The following GADL1 variants were observed in gnomAD, a reference collection of about 807,000 sequenced individuals.
The protein encoded by GADL1 is acidic amino acid decarboxylase GADL1.
GADL1 carries 71 observed loss-of-function variants against 69.5 expected under a neutral mutation model. The observed-to-expected ratio is 1.02, with a 90% CI of 0.84 to 1.25. The LOEUF (loss-of-function observed/expected upper bound fraction) is 1.25, where lower values mean the gene tolerates loss of function less well. Among genes scored for constraint, GADL1 ranks in the 50% most tolerant of loss-of-function variants. The probability of loss-of-function intolerance (pLI) is 0.00; values close to 1 mark genes in which losing one functional copy is unlikely to be tolerated. For missense variants in GADL1, 737 were observed against 631.8 expected, an observed-to-expected ratio of 1.17 and a Z score of -1.79; for synonymous variants, 254 against 214.4, an observed-to-expected ratio of 1.18 and a Z score of -1.62.
At position 30,751,334 on chromosome 3, in the gene GADL1, C is replaced by T. The variant is rs550143463; in HGVS notation, c.1393-22919G>A. 4.1e-4 allele frequency among the ~76,000 whole-genome samples: 63 copies of T among 152,114 alleles called. 2 individuals are homozygous for T. Among genetic ancestry groups the T allele is most frequent in the Admixed American group, 2.9e-3 (44 of 15,262 alleles). On this transcript the variant is annotated intron_variant, in intron 14 of 14. Coordinates refer to ENST00000282538, the MANE Select transcript of GADL1 (RefSeq NM_207359.3). Reference sequence around the variant, plus strand: ...CTGGGACCATTGTGGTAAGGAGACTCTTGAGCCGCTTGCTGGTGTTTGTTT... The same window carrying T: ...CTGGGACCATTGTGGTAAGGAGACTTTTGAGCCGCTTGCTGGTGTTTGTTT...
At chr3:30,785,293 T>A (rs548277608) in intron 13 of GADL1, among the ~76,000 whole-genome samples, 3 of 152,256 alleles carry the variant, frequency 2.0e-5, no homozygotes, top group African/African-American at 7.2e-5. Flanking sequence ...TTTTCTGTTT[T>A]CTATCTCCTG....
chr3:30,781,304 A>C (rs1186643024), intron 13 of GADL1, among the ~76,000 whole-genome samples: 1 of 152,244 alleles, frequency 6.6e-6, no homozygotes, highest in Non-Finnish European at 1.5e-5. Context: ...GCAAATTTTG[A>C]GACCATTTGG....
intron 2 of GADL1, 89 bp downstream of exon 2, chr3:30,861,504 C>T: frequency 2.1e-6 from 2 of 931,548 alleles, no homozygotes; most frequent in East Asian, 5.4e-5. Context: ...AAAACTTGGC[C>T]TTCCCATTTG....
In GADL1 at chr3:30,766,952, T is replaced by C. The variant is rs150397884; in HGVS notation, c.1392+11227A>G. ...CAAACAAAAAGGCATGGAGAAGATA[T>C]CTGGGGCTCATATAGTCCTTCAAAT... On this transcript the variant is annotated intron_variant, in intron 14 of 14. Coordinates refer to ENST00000282538, the MANE Select transcript of GADL1 (RefSeq NM_207359.3). Among the ~76,000 whole-genome samples, 396 of 152,294 alleles carry C rather than the reference T, an allele frequency of 2.6e-3. 4 individuals are homozygous for C. The highest frequency in any genetic ancestry group is 9.1e-3 in the African/African-American group (380 of 41,562).
chr3:30,805,734 CTTTTTTTTT>C (rs34788058), intron 11 of GADL1, among the ~76,000 whole-genome samples: 1 of 66,094 alleles, frequency 1.5e-5, no homozygotes, highest in African/African-American at 8.5e-5. Flanking sequence ...AGTCCCCAGC[CTTTTTTTTT>C]TTTTTTTTTT....
chr3:30,845,012 G>A (rs1043060090), intron 6 of GADL1, among the ~76,000 whole-genome samples: 1 of 152,080 alleles, frequency 6.6e-6, no homozygotes, highest in Non-Finnish European at 1.5e-5. Flanking sequence ...TGCAATCACA[G>A]GCTAGAGAGG....
At chr3:30,766,110 T>A (rs1055186440) in intron 14 of GADL1, among the ~76,000 whole-genome samples, 1 of 152,132 alleles carries the variant, frequency 6.6e-6, no homozygotes, top group African/African-American at 2.4e-5. Context: ...AAGTTATAAA[T>A]GGCTTACAAA....
intron 12 of GADL1, among the ~76,000 whole-genome samples, chr3:30,791,464 T>A (rs1439354083): frequency 6.6e-6 from 1 of 152,156 alleles, no homozygotes; most frequent in Non-Finnish European, 1.5e-5. Flanking sequence ...CGTAAAGATG[T>A]ACAAAAAAAT....
chr3:30,815,736 A>G (rs1910333), intron 11 of GADL1, among the ~76,000 whole-genome samples: 55,249 of 152,072 alleles, frequency 0.36, 13,696 homozygotes, highest in African/African-American at 0.67. Flanking sequence ...TTAAACAATC[A>G]GGTTTTATCT....
chr3:30,824,033 G>A (rs1341029143), intron 11 of GADL1, among the ~76,000 whole-genome samples: 1 of 151,764 alleles, frequency 6.6e-6, no homozygotes, highest in East Asian at 1.9e-4. Flanking sequence ...GCCAGAAAAG[G>A]AGAGAGAAAT....
intron 14 of GADL1, among the ~76,000 whole-genome samples, chr3:30,764,122 ATGTTT>A (rs1696209783): frequency 6.6e-6 from 1 of 151,558 alleles, no homozygotes; most frequent in Non-Finnish European, 1.5e-5. Context: ...ATATATACTT[ATGTTT>A]ATTAAATATA....
intron 11 of GADL1, among the ~76,000 whole-genome samples, chr3:30,831,987 C>T (rs1697799993): frequency 1.3e-5 from 2 of 151,366 alleles, no homozygotes; most frequent in African/African-American, 4.8e-5. Flanking sequence ...CTGTCTGATT[C>T]AATGCTATAA....
At chr3:30,816,856 T>C (rs1658522304) in intron 11 of GADL1, among the ~76,000 whole-genome samples, 1 of 152,108 alleles carries the variant, frequency 6.6e-6, no homozygotes, top group Admixed American at 6.5e-5. Flanking sequence ...CACATACTAA[T>C]TTCTGACAGT....
intron 13 of GADL1, among the ~76,000 whole-genome samples, chr3:30,782,319 G>A (rs372938302): frequency 2.6e-5 from 4 of 152,146 alleles, no homozygotes; most frequent in African/African-American, 9.7e-5. Flanking sequence ...ACAGTACCTA[G>A]ATAGTACCAA....
Position 30,850,015 on chromosome 3 carries a change from A to T in GADL1, c.632T>A (p.Ile211Asn). Residue 211 changes from isoleucine (I) to asparagine (N), a missense_variant, in exon 6 of 15, where the codon ATC becomes AAC. Transcript: ENST00000282538. The stretch of plus-strand genomic sequence containing the variant: ...TTTTACCTCTGCAGATGTGAAAAGG[A>T]TTAATCTTGGCGAACCAGACAGCCC... ...EKGLSGSPRL[I>N]LFTSAECHYS... is the part of the protein sequence containing the mutation. 6.3e-7 allele frequency: 1 copy of T among 1,599,660 alleles called. No individual in the cohort carries two copies. Among genetic ancestry groups the T allele is most frequent in the South Asian group, 1.1e-5 (1 of 90,748 alleles).
In GADL1 at chr3:30,852,165, T is replaced by C. The variant is rs186259600; in HGVS notation, c.429-1224A>G. Among the ~76,000 whole-genome samples, 4 of 152,294 alleles carry C rather than the reference T, an allele frequency of 2.6e-5. No homozygotes were observed. In the East Asian group the frequency reaches 5.8e-4, roughly 22 times the overall value. On this transcript the variant is annotated intron_variant, in intron 4 of 14. Coordinates refer to ENST00000282538, the MANE Select transcript of GADL1 (RefSeq NM_207359.3). ...AGCTGGTCACCTACTATGTATCACC[T>C]ACTATTTATCACCTACATATGTGTC...
At chr3:30,813,751 T>C (rs1452505008) in intron 11 of GADL1, among the ~76,000 whole-genome samples, 2 of 152,204 alleles carry the variant, frequency 1.3e-5, no homozygotes, top group African/African-American at 4.8e-5. Context: ...TAAATCCCAT[T>C]GAAGATTTGT....
intron 11 of GADL1, among the ~76,000 whole-genome samples, chr3:30,820,285 T>G (rs1019596376): frequency 2.6e-5 from 4 of 151,998 alleles, no homozygotes; most frequent in Non-Finnish European, 5.9e-5. Context: ...TTATAAAGAA[T>G]GTATAACTTA....
intron 14 of GADL1, among the ~76,000 whole-genome samples, chr3:30,772,605 G>A (rs1025260509): frequency 2.0e-5 from 3 of 152,116 alleles, no homozygotes; most frequent in African/African-American, 2.4e-5. Context: ...GGCTGGGTGC[G>A]GTGGCTCATG....
Sources: allele counts gnomAD v4.1 joint callset (sites outside exome capture counted in the v4.1 genomes callset), GRCh38; gene constraint gnomAD v4.1.1; transcripts MANE v1.5; gene names NCBI Gene and HGNC (gene_info 2026-07-23, HGNC 2026-07-21).